Variants in PARD3 observed in about 807,000 individuals in gnomAD.
PARD3 encodes partitioning defective 3 homolog.
In PARD3, 75 loss-of-function variants were observed where a neutral mutation model predicts 155.4. That is an observed-to-expected ratio of 0.48 (90% CI 0.40 to 0.58). The LOEUF (loss-of-function observed/expected upper bound fraction) is 0.58. Ranked by LOEUF, PARD3 falls within the 20% of genes least tolerant of loss-of-function variation. PARD3 has a pLI of 0.00. For synonymous variants in PARD3, 576 were observed against 610.5 expected, an observed-to-expected ratio of 0.94 and a Z score of 0.83; for missense variants, 1,642 against 1,721.7, an observed-to-expected ratio of 0.95 and a Z score of 0.82.
chr10:34,749,406 A>G (rs1192761361), intron 1 of PARD3, among the ~76,000 whole-genome samples: 1 of 152,140 alleles, frequency 6.6e-6, no homozygotes, highest in African/African-American at 2.4e-5. Context: ...AAATAACTTG[A>G]ATTAATATAC....
At chr10:34,143,994 G>C (rs1438262117) in intron 22 of PARD3, among the ~76,000 whole-genome samples, 2 of 151,766 alleles carry the variant, frequency 1.3e-5, no homozygotes, top group Admixed American at 6.6e-5. Context: ...TATTTATCTG[G>C]AGAGAGGGAA....
At chr10:34,163,063 T>TA (rs1383039127) in intron 22 of PARD3, among the ~76,000 whole-genome samples, 1 of 152,246 alleles carries the variant, frequency 6.6e-6, no homozygotes, top group Non-Finnish European at 1.5e-5. Context: ...ATTACCTAAT[T>TA]ACACTAGGTA....
At chr10:34,200,742 T>C (rs971427152) in intron 22 of PARD3, among the ~76,000 whole-genome samples, 1 of 152,230 alleles carries the variant, frequency 6.6e-6, no homozygotes, top group Non-Finnish European at 1.5e-5. Flanking sequence ...ACTAGGCTAC[T>C]GGCTCTCTCC....
intron 22 of PARD3, among the ~76,000 whole-genome samples, chr10:34,264,475 T>C (rs1282287353): frequency 1.3e-5 from 2 of 152,208 alleles, no homozygotes; most frequent in East Asian, 3.9e-4. Context: ...AATTCACTTT[T>C]CACAGGTGAT....
intron 2 of PARD3, among the ~76,000 whole-genome samples, chr10:34,678,205 G>T (rs1445426662): frequency 6.6e-6 from 1 of 152,014 alleles, no homozygotes; most frequent in African/African-American, 2.4e-5. Flanking sequence ...CTCCAGAGTG[G>T]CTGGGCCTAT....
rs534697092 is a variant in PARD3 at position 34,213,216 on chromosome 10, G to T, written c.3419+56441C>A. ...AACTCATGGCAGAAAGTGAAAGGGG[G>T]GTGGGTGTGTGCAAAGAGACCACAT... On this transcript the variant is annotated intron_variant, in intron 22 of 24. Transcript: ENST00000374788. Among the ~76,000 whole-genome samples, 224 of 152,242 alleles carry T rather than the reference G, an allele frequency of 1.5e-3. 1 individual carries two copies. The highest frequency in any genetic ancestry group is 5.0e-3 in the African/African-American group (206 of 41,538).
intron 18 of PARD3, among the ~76,000 whole-genome samples, chr10:34,334,720 T>C (rs558955273): frequency 4.8e-5 from 7 of 145,738 alleles, no homozygotes; most frequent in South Asian, 4.4e-4. Context: ...TTTGGTAGAA[T>C]AGACTGCACA....
intron 24 of PARD3, among the ~76,000 whole-genome samples, chr10:34,112,245 A>G (rs554406734): frequency 6.6e-6 from 1 of 152,286 alleles, no homozygotes; most frequent in African/African-American, 2.4e-5. Context: ...TTTCTTATAC[A>G]TTTACCTTCA....
At chr10:34,420,130 T>C (rs1282827239) in intron 5 of PARD3, among the ~76,000 whole-genome samples, 1 of 152,174 alleles carries the variant, frequency 6.6e-6, no homozygotes. Context: ...ATTTTTAAAA[T>C]TTTTGCAGAG....
At chr10:34,582,540 A>G (rs1272424887) in intron 2 of PARD3, among the ~76,000 whole-genome samples, 1 of 152,260 alleles carries the variant, frequency 6.6e-6, no homozygotes, top group Non-Finnish European at 1.5e-5. Flanking sequence ...TGAATAAAGC[A>G]GTTCCTCTTA....
intron 2 of PARD3, among the ~76,000 whole-genome samples, chr10:34,690,934 C>T (rs570629845): frequency 9.9e-5 from 15 of 152,236 alleles, no homozygotes; most frequent in East Asian, 5.8e-4. Flanking sequence ...AAAACACAGC[C>T]GAGCGCAGTG....
intron 1 of PARD3, among the ~76,000 whole-genome samples, chr10:34,792,827 G>A (rs7907384): frequency 5.3e-5 from 8 of 152,088 alleles, no homozygotes; most frequent in South Asian, 2.1e-4. Context: ...CAGCTCACTC[G>A]CTCTTAAATG....
At chr10:34,389,571 C>A (rs897896670) in intron 7 of PARD3, among the ~76,000 whole-genome samples, 8 of 152,162 alleles carry the variant, frequency 5.3e-5, no homozygotes, top group African/African-American at 1.2e-4. Flanking sequence ...TAAACTACCA[C>A]AACTGCCACC....
intron 20 of PARD3, among the ~76,000 whole-genome samples, chr10:34,303,142 T>G (rs78809146): frequency 1.4e-3 from 201 of 148,224 alleles, no homozygotes; most frequent in African/African-American, 4.8e-3. Flanking sequence ...CCCTCAGAAT[T>G]TATTTTACTG....
intron 2 of PARD3, among the ~76,000 whole-genome samples, chr10:34,576,097 C>A (rs1461203611): frequency 6.6e-6 from 1 of 152,162 alleles, no homozygotes; most frequent in African/African-American, 2.4e-5. Flanking sequence ...AGCAGAATCA[C>A]TGATGTTTGC....
In PARD3 at chr10:34,704,456, CACAA is replaced by C. The variant is rs552681400; in HGVS notation, c.121-8041_121-8038del. ...GTGACAGAGGGAGGAGAAAGGCAGA[CACAA>C]ACACACACAAAGAGACAGAGATCCT... On this transcript the variant is annotated intron_variant, in intron 1 of 24. Coordinates refer to ENST00000374788, the MANE Select transcript of PARD3 (RefSeq NM_001184785.2). Among the ~76,000 whole-genome samples, 571 of 152,216 alleles carry C rather than the reference CACAA, an allele frequency of 3.8e-3. 2 individuals carry two copies. The highest frequency in any genetic ancestry group is 0.013 in the African/African-American group (543 of 41,520).
At position 34,327,481 on chromosome 10, in the gene PARD3, A is replaced by G. The variant is rs567463981; in HGVS notation, c.2833+3636T>C. Among the ~76,000 whole-genome samples the G allele has an allele frequency of 7.9e-5, 12 of 152,340 alleles. No individual in the cohort carries two copies. The East Asian group carries it at 2.3e-3, about 29-fold the overall frequency. The stretch of plus-strand genomic sequence containing the variant: ...CTGCTGAGAAGAGGCCAGCCTGTTC[A>G]GTGCCATGAATATAGTCACTGGGGA... On this transcript the variant is annotated intron_variant, in intron 19 of 24. Transcript: ENST00000374788.
chr10:34,508,943 T>A (rs907337834), intron 3 of PARD3, among the ~76,000 whole-genome samples: 1 of 152,164 alleles, frequency 6.6e-6, no homozygotes, highest in Non-Finnish European at 1.5e-5. Context: ...CTCATTACTA[T>A]ACAAAACCAT....
intron 22 of PARD3, among the ~76,000 whole-genome samples, chr10:34,239,388 CAG>C (rs1953436605): frequency 6.6e-6 from 1 of 152,182 alleles, no homozygotes; most frequent in Non-Finnish European, 1.5e-5. Flanking sequence ...GCAGAGGGCT[CAG>C]GGGAAGAAGT....
Sources: allele counts gnomAD v4.1 joint callset (sites outside exome capture counted in the v4.1 genomes callset), GRCh38; gene constraint gnomAD v4.1.1; transcripts MANE v1.5; gene names NCBI Gene and HGNC (gene_info 2026-07-23, HGNC 2026-07-21).